The following CLDN10 variants were observed in gnomAD, a reference collection of about 807,000 sequenced individuals.
The protein encoded by CLDN10 is claudin-10.
In CLDN10, 15 loss-of-function variants were observed where a neutral mutation model predicts 22.9. The observed-to-expected ratio is 0.65, with a 90% confidence interval of 0.44 to 1.01. CLDN10 has a LOEUF of 1.01. CLDN10 is among the 50% of genes least tolerant of loss of function. The pLI is 0.00. For missense variants in CLDN10, 247 were observed against 287.8 expected, an observed-to-expected ratio of 0.86 and a Z score of 1.03; for synonymous variants, 114 against 111.4, an observed-to-expected ratio of 1.02 and a Z score of -0.15.
intron 1 of CLDN10, among the ~76,000 whole-genome samples, chr13:95,441,523 G>A (rs1044897942): frequency 8.1e-4 from 124 of 152,216 alleles, no homozygotes; most frequent in African/African-American, 2.8e-3. Context: ...TTATAAGCAT[G>A]AGCCACCACA....
chr13:95,484,748 T>C (rs4408415), intron 1 of CLDN10, among the ~76,000 whole-genome samples: 88,782 of 149,240 alleles, frequency 0.59, 27,668 homozygotes, highest in African/African-American at 0.79. Context: ...CACCTGTAGT[T>C]CCAGCTACTC....
At chr13:95,505,014 T>C (rs1001975679) in intron 1 of CLDN10, among the ~76,000 whole-genome samples, 6 of 152,240 alleles carry the variant, frequency 3.9e-5, no homozygotes, top group African/African-American at 1.4e-4. Context: ...GTTTAACTAT[T>C]GAAGGTGGCA....
chr13:95,433,802 C>G, exon 1 of CLDN10: 2 of 1,611,130 alleles, frequency 1.2e-6, no homozygotes, highest in East Asian at 2.2e-5. Context: ...AGCGTTCTGA[C>G]CGGACAGTGT....
intron 1 of CLDN10, among the ~76,000 whole-genome samples, chr13:95,502,471 A>G (rs1429616155): frequency 6.6e-6 from 1 of 152,052 alleles, no homozygotes; most frequent in Admixed American, 6.6e-5. Flanking sequence ...GTTTATGGTG[A>G]GGAACAGCTT....
intron 1 of CLDN10, among the ~76,000 whole-genome samples, chr13:95,506,761 A>G (rs1384141715): frequency 2.6e-5 from 4 of 152,216 alleles, no homozygotes; most frequent in Non-Finnish European, 5.9e-5. Flanking sequence ...TTCTGAGAAG[A>G]CTAAAATTCT....
chr13:95,459,917 A>G (rs1037932670), intron 1 of CLDN10, among the ~76,000 whole-genome samples: 26 of 152,200 alleles, frequency 1.7e-4, no homozygotes, highest in Admixed American at 1.5e-3. Context: ...TTGTGAATGC[A>G]TACAACTGAA....
chr13:95,556,359 T>C (rs999947109), intron 1 of CLDN10, among the ~76,000 whole-genome samples: 1 of 152,162 alleles, frequency 6.6e-6, no homozygotes, highest in Non-Finnish European at 1.5e-5. Context: ...ATTTCTTATA[T>C]AAAGAAATCT....
chr13:95,436,839 A>C (rs2042277263), intron 1 of CLDN10, among the ~76,000 whole-genome samples: 1 of 152,224 alleles, frequency 6.6e-6, no homozygotes, highest in Admixed American at 6.5e-5. Context: ...CAGGAAAGCT[A>C]TCTATGCCAA....
At chr13:95,451,958 T>C (rs2042435840) in intron 1 of CLDN10, among the ~76,000 whole-genome samples, 2 of 152,184 alleles carry the variant, frequency 1.3e-5, no homozygotes, top group Non-Finnish European at 2.9e-5. Flanking sequence ...CTGGCACACT[T>C]TTCAAAAGAG....
intron 3 of CLDN10, among the ~76,000 whole-genome samples, chr13:95,576,726 T>C (rs1426239407): frequency 6.6e-6 from 1 of 152,220 alleles, no homozygotes; most frequent in Non-Finnish European, 1.5e-5. Context: ...AATTTATCAC[T>C]AAATGATAGC....
intron 1 of CLDN10, among the ~76,000 whole-genome samples, chr13:95,467,437 A>G (rs1321996045): frequency 2.6e-5 from 4 of 152,138 alleles, no homozygotes; most frequent in Non-Finnish European, 5.9e-5. Context: ...TTCAAATAGG[A>G]ATCCAAACTA....
At chr13:95,539,478 A>G (rs1249502926) in intron 1 of CLDN10, among the ~76,000 whole-genome samples, 1 of 152,140 alleles carries the variant, frequency 6.6e-6, no homozygotes, top group African/African-American at 2.4e-5. Flanking sequence ...CATTGGAGTA[A>G]CATTCACGTT....
intron 1 of CLDN10, chr13:95,497,197 A>G (rs2042938743): frequency 6.6e-6 from 1 of 152,248 alleles, no homozygotes; most frequent in African/African-American, 2.4e-5. Flanking sequence ...ACAATCTATT[A>G]TATCGGTTAT....
At chr13:95,515,686 A>T (rs2043156789) in intron 1 of CLDN10, among the ~76,000 whole-genome samples, 1 of 152,134 alleles carries the variant, frequency 6.6e-6, no homozygotes, top group Admixed American at 6.5e-5. Context: ...TCTTGATTAG[A>T]TGCATGGGGG....
intron 3 of CLDN10, among the ~76,000 whole-genome samples, chr13:95,570,746 G>A (rs2043842636): frequency 6.6e-6 from 1 of 151,172 alleles, no homozygotes; most frequent in African/African-American, 2.4e-5. Context: ...TAACATATTG[G>A]GGAGATATTG....
chr13:95,482,011 T>C (rs566621353), intron 1 of CLDN10, among the ~76,000 whole-genome samples: 2 of 152,264 alleles, frequency 1.3e-5, no homozygotes, highest in African/African-American at 4.8e-5. Flanking sequence ...AGAGTGAGAC[T>C]CTGACTCAAA....
intron 1 of CLDN10, among the ~76,000 whole-genome samples, chr13:95,536,391 G>C (rs2043400092): frequency 6.6e-6 from 1 of 152,112 alleles, no homozygotes. Context: ...GGAGGTTGCA[G>C]TAAGCCGAGA....
At chr13:95,488,380 T>C (rs1397202923) in intron 1 of CLDN10, among the ~76,000 whole-genome samples, 1 of 151,872 alleles carries the variant, frequency 6.6e-6, no homozygotes, top group Non-Finnish European at 1.5e-5. Flanking sequence ...CAATTTTTTT[T>C]CCATAAGTTA....
intron 1 of CLDN10, among the ~76,000 whole-genome samples, chr13:95,499,467 G>A (rs901895327): frequency 2.0e-5 from 3 of 152,232 alleles, no homozygotes; most frequent in East Asian, 1.9e-4. Flanking sequence ...ACTTGAACCC[G>A]GGAGGCAGAG....
Sources: allele counts gnomAD v4.1 joint callset (sites outside exome capture counted in the v4.1 genomes callset), GRCh38; gene constraint gnomAD v4.1.1; transcripts MANE v1.5; gene names NCBI Gene and HGNC (gene_info 2026-07-23, HGNC 2026-07-21).